CFAP300: variants seen among roughly 807,000 people sequenced by gnomAD.
CFAP300 encodes cilia and flagella associated protein 300.
A neutral mutation model predicts 33.0 loss-of-function variants in CFAP300; 32 were observed. The ratio of observed to expected loss-of-function variants is 0.97; its 90% confidence interval spans 0.73 to 1.30. The LOEUF (loss-of-function observed/expected upper bound fraction) is 1.30, where lower values mean the gene tolerates loss of function less well. Ranked by LOEUF, CFAP300 falls within the 50% of genes most tolerant of loss-of-function variation. CFAP300 has a pLI of 0.00. For synonymous variants in CFAP300, 102 were observed against 106.8 expected (o/e 0.95, Z 0.28); for missense variants, 356 against 318.1 (o/e 1.12, Z -0.90).
intron 2 of CFAP300, among the ~76,000 whole-genome samples, chr11:102,057,043 T>TA (rs1189585209): frequency 1.3e-5 from 2 of 151,374 alleles, no homozygotes; most frequent in Non-Finnish European, 2.9e-5. Flanking sequence ...AATTATAAAA[T>TA]AAAAAAGAGC....
At chr11:102,079,651 A>G (rs1942446825) in intron 5 of CFAP300, among the ~76,000 whole-genome samples, 1 of 152,126 alleles carries the variant, frequency 6.6e-6, no homozygotes, top group Admixed American at 6.6e-5. Flanking sequence ...TTACTTTTAC[A>G]TATGTAGTAG....
At chr11:102,080,091 G>C (rs1237966669) in intron 5 of CFAP300, among the ~76,000 whole-genome samples, 2 of 151,708 alleles carry the variant, frequency 1.3e-5, no homozygotes, top group East Asian at 3.9e-4. Flanking sequence ...AGACCAGCTT[G>C]GGCAATATAG....
At chr11:102,079,501 A>T (rs910908526) in intron 5 of CFAP300, among the ~76,000 whole-genome samples, 1 of 152,206 alleles carries the variant, frequency 6.6e-6, no homozygotes, top group African/African-American at 2.4e-5. Flanking sequence ...GATGAAAACC[A>T]CCTAAGATTG....
chr11:102,062,716 C>G (rs1218391970), intron 3 of CFAP300, among the ~76,000 whole-genome samples: 4 of 152,140 alleles, frequency 2.6e-5, no homozygotes, highest in African/African-American at 7.2e-5. Flanking sequence ...AAGTTTTCAA[C>G]CTATCCTTAT....
chr11:102,080,693 A>T (rs968407977), intron 5 of CFAP300, among the ~76,000 whole-genome samples: 1 of 152,138 alleles, frequency 6.6e-6, no homozygotes, highest in Non-Finnish European at 1.5e-5. Context: ...AGCCACCGCG[A>T]CCGGCCCACA....
intron 2 of CFAP300, among the ~76,000 whole-genome samples, chr11:102,052,280 T>C (rs1941983037): frequency 6.6e-6 from 1 of 152,180 alleles, no homozygotes; most frequent in Non-Finnish European, 1.5e-5. Flanking sequence ...TTAAATTTTC[T>C]TTTTTTAAGA....
chr11:102,062,971 C>T (rs1225822035), intron 3 of CFAP300, among the ~76,000 whole-genome samples: 1 of 152,240 alleles, frequency 6.6e-6, no homozygotes, highest in Non-Finnish European at 1.5e-5. Flanking sequence ...GGGCTGTGAA[C>T]ATGCGCTATT....
At position 102,047,455 on chromosome 11, in the gene CFAP300, C is replaced by G. The variant is rs1416585907; in HGVS notation, c.-16C>G. ...TCCATGGAAACGGCCCAGGCATCCACCCAGCCGAGAGCACGATGGCTACTG... is the reference window on the plus strand; with the variant it reads ...TCCATGGAAACGGCCCAGGCATCCAGCCAGCCGAGAGCACGATGGCTACTG... On this transcript the variant is annotated 5_prime_UTR_variant, in exon 1 of 7. Coordinates refer to ENST00000434758, the MANE Select transcript of CFAP300 (RefSeq NM_032930.3). 12 of 1,533,328 alleles carry G rather than the reference C, an allele frequency of 7.8e-6. No individual in the cohort carries two copies. Among genetic ancestry groups the G allele is most frequent in the Non-Finnish European group, 1.0e-5 (12 of 1,144,406 alleles). The allele number at this position is 1,533,328 out of a possible 1,614,324, so 95.0% of individuals were successfully genotyped here. A position where few individuals can be genotyped will look rare whatever the true frequency, so the allele number is the denominator to read the frequency against.
chr11:102,082,220 C>A (rs1034965240), intron 6 of CFAP300, among the ~76,000 whole-genome samples: 6 of 151,518 alleles, frequency 4.0e-5, no homozygotes, highest in Non-Finnish European at 1.5e-5. Flanking sequence ...ACAAAAAATA[C>A]AAAAAATTAG....
intron 4 of CFAP300, among the ~76,000 whole-genome samples, chr11:102,069,360 C>A (rs1225295949): frequency 6.6e-6 from 1 of 152,194 alleles, no homozygotes. Flanking sequence ...TACTAATAAC[C>A]ACTTTCCTGA....
intron 4 of CFAP300, among the ~76,000 whole-genome samples, chr11:102,067,691 C>G (rs1354262526): frequency 6.6e-6 from 1 of 152,060 alleles, no homozygotes; most frequent in Admixed American, 6.6e-5. Flanking sequence ...ATATCAAATG[C>G]TGTTAAAATG....
chr11:102,080,462 G>T (rs369938268), intron 5 of CFAP300, among the ~76,000 whole-genome samples: 7 of 152,258 alleles, frequency 4.6e-5, no homozygotes, highest in African/African-American at 1.4e-4. Context: ...CTGTTGCCCA[G>T]ACTGGAGTGC....
At chr11:102,051,011 C>T (rs1424221761) in intron 2 of CFAP300, among the ~76,000 whole-genome samples, 3 of 151,978 alleles carry the variant, frequency 2.0e-5, no homozygotes, top group African/African-American at 7.3e-5. Flanking sequence ...ATGTCAAGTA[C>T]CAGTATGGCC....
chr11:102,077,258 C>T (rs971737213), intron 5 of CFAP300, among the ~76,000 whole-genome samples: 5 of 152,248 alleles, frequency 3.3e-5, no homozygotes, highest in African/African-American at 1.2e-4. Flanking sequence ...AGAACCTACA[C>T]ATTGAAGAAA....
chr11:102,051,811 A>T (rs1237464783), intron 2 of CFAP300, among the ~76,000 whole-genome samples: 1 of 152,122 alleles, frequency 6.6e-6, no homozygotes, highest in African/African-American at 2.4e-5. Context: ...AGCCTCCCAA[A>T]GTGCTGGGAT....
chr11:102,047,535 T>G lies in CFAP300; in HGVS notation c.65T>G (p.Phe22Cys), dbSNP rs1941896841. ...YYFRFLPQKT[F>C]QSLSSKEITS... Reference sequence around the variant, plus strand: ...TTCAGGTTCTTGCCTCAGAAAACCTTCCAGTCTCTGAGCTCTAAGGAGATC... The same window carrying G: ...TTCAGGTTCTTGCCTCAGAAAACCTGCCAGTCTCTGAGCTCTAAGGAGATC... Residue 22 changes from phenylalanine (F) to cysteine (C), a missense_variant, in exon 1 of 7, where the codon TTC becomes TGC. Coordinates refer to ENST00000434758, the MANE Select transcript of CFAP300 (RefSeq NM_032930.3). 2 of 1,535,844 alleles carry G rather than the reference T, an allele frequency of 1.3e-6. No homozygotes were observed. The highest frequency in any genetic ancestry group is 1.4e-5 in the African/African-American group (1 of 73,034).
chr11:102,070,678 T>G (rs1942301083), intron 4 of CFAP300, among the ~76,000 whole-genome samples: 1 of 152,144 alleles, frequency 6.6e-6, no homozygotes, highest in Non-Finnish European at 1.5e-5. Context: ...ATGTAGGCAT[T>G]TTTTGCTGTA....
At chr11:102,078,381 T>G (rs558856942) in intron 5 of CFAP300, among the ~76,000 whole-genome samples, 337 of 152,344 alleles carry the variant, frequency 2.2e-3, no homozygotes, top group Non-Finnish European at 3.4e-3. Flanking sequence ...TGTTTCTTTA[T>G]CCTTAAAAAC....
At chr11:102,076,601 A>G (rs543365844) in intron 5 of CFAP300, among the ~76,000 whole-genome samples, 2 of 152,320 alleles carry the variant, frequency 1.3e-5, no homozygotes, top group African/African-American at 2.4e-5. Flanking sequence ...ACTGAAATGA[A>G]TGTTCTTTGG....
Sources: gnomAD v4.1 joint callset for allele counts (sites outside exome capture counted in the v4.1 genomes callset) on GRCh38, gnomAD v4.1.1 for gene constraint, MANE v1.5 for transcripts, NCBI Gene and HGNC (gene_info 2026-07-23, HGNC 2026-07-21) for gene names.